CFAP299: variants seen among roughly 807,000 people sequenced by gnomAD.
CFAP299 encodes the protein cilia and flagella associated protein 299, also known as cilia- and flagella-associated protein 299.
In CFAP299, 21 loss-of-function variants were observed where a neutral mutation model predicts 27.0. That is an observed-to-expected ratio of 0.78 (90% CI 0.55 to 1.12). The LOEUF is 1.12. CFAP299 is among the 50% of genes most tolerant of loss of function. CFAP299 has a pLI of 0.00. For synonymous variants in CFAP299, 104 were observed against 98.1 expected (o/e 1.06, Z -0.36); for missense variants, 310 against 276.6 (o/e 1.12, Z -0.86).
intron 3 of CFAP299, among the ~76,000 whole-genome samples, chr4:80,625,931 T>C (rs1273663519): frequency 6.6e-6 from 1 of 151,894 alleles, no homozygotes; most frequent in Non-Finnish European, 1.5e-5. Context: ...TGCCATATAA[T>C]AAATTTAGGG....
rs199561559 is a variant in CFAP299 at position 80,943,893 on chromosome 4, C to A, written c.477-917C>A. Among the ~76,000 whole-genome samples the A allele has an allele frequency of 4.6e-4, 70 of 151,976 alleles. No homozygotes were observed. In the East Asian group the frequency reaches 0.012, roughly 27 times the overall value. Reference sequence around the variant, plus strand: ...ACCATCCTGGCCAACATGGTGAAACCCATCTCTGCTAAAAATACAAAAATT... The same window carrying A: ...ACCATCCTGGCCAACATGGTGAAACACATCTCTGCTAAAAATACAAAAATT... On this transcript the variant is annotated intron_variant, in intron 4 of 5. Transcript: ENST00000358105.
intron 5 of CFAP299, among the ~76,000 whole-genome samples, chr4:80,953,980 T>C (rs1434097335): frequency 6.6e-6 from 1 of 152,116 alleles, no homozygotes; most frequent in Non-Finnish European, 1.5e-5. Flanking sequence ...GGCCTAGGGA[T>C]ATAAGGATGG....
chr4:80,760,107 T>A (rs948521908), intron 3 of CFAP299, among the ~76,000 whole-genome samples: 9 of 152,144 alleles, frequency 5.9e-5, no homozygotes, highest in Non-Finnish European at 1.2e-4. Flanking sequence ...TTCATTCAAT[T>A]TTTTCCTGCA....
In CFAP299 at chr4:80,476,955, G is replaced by A. The variant is rs560564673; in HGVS notation, c.243-106138G>A. Among the ~76,000 whole-genome samples, 48 of 135,224 alleles carry A rather than the reference G, an allele frequency of 3.5e-4. No individual in the cohort carries two copies. The South Asian group carries it at 9.7e-3, about 27-fold the overall frequency. The allele number at this position is 135,224 out of a possible 152,430, so 88.7% of individuals were successfully genotyped here. A position where few individuals can be genotyped will look rare whatever the true frequency, so the allele number is the denominator to read the frequency against. Reference sequence around the variant, plus strand: ...TTTGTGTGTGTGTGCGTGTGTGTGCGCATGCGTGTGTGTGTGTGTGTGTGT... The same window carrying A: ...TTTGTGTGTGTGTGCGTGTGTGTGCACATGCGTGTGTGTGTGTGTGTGTGT... On this transcript the variant is annotated intron_variant, in intron 2 of 5. Transcript: ENST00000358105.
chr4:80,645,002 C>T (rs1424183003), intron 3 of CFAP299, among the ~76,000 whole-genome samples: 1 of 151,994 alleles, frequency 6.6e-6, no homozygotes, highest in African/African-American at 2.4e-5. Context: ...TGCACCAGCC[C>T]CCCCTCAGAA....
chr4:80,544,324 CATG>C (rs1249328463), intron 2 of CFAP299, among the ~76,000 whole-genome samples: 4 of 152,146 alleles, frequency 2.6e-5, no homozygotes, highest in Admixed American at 2.6e-4. Flanking sequence ...TGGCTAACAG[CATG>C]ATAACAGAAT....
At chr4:80,604,161 C>T (rs561139018) in intron 3 of CFAP299, among the ~76,000 whole-genome samples, 1 of 152,204 alleles carries the variant, frequency 6.6e-6, no homozygotes, top group Admixed American at 6.5e-5. Flanking sequence ...ACTTTAAAGC[C>T]TTATAACAGA....
At chr4:80,666,715 T>C (rs771963247) in intron 3 of CFAP299, among the ~76,000 whole-genome samples, 4 of 152,184 alleles carry the variant, frequency 2.6e-5, no homozygotes, top group Non-Finnish European at 5.9e-5. Context: ...AACTATATAT[T>C]TCCAGACTTT....
Position 80,890,523 on chromosome 4 carries a change from G to A in CFAP299, c.476+20388G>A, listed in dbSNP as rs1001938160. Among the ~76,000 whole-genome samples the A allele has an allele frequency of 1.1e-4, 17 of 151,510 alleles. No individual in the cohort carries two copies. The East Asian group carries it at 2.5e-3, about 23-fold the overall frequency. ...GTGAATAGTGCCGCAATAAACATACGTGTGCATGTGTCTTTATAGCAGCAT... is the reference window on the plus strand; with the variant it reads ...GTGAATAGTGCCGCAATAAACATACATGTGCATGTGTCTTTATAGCAGCAT... On this transcript the variant is annotated intron_variant, in intron 4 of 5. Transcript: ENST00000358105.
intron 1 of CFAP299, among the ~76,000 whole-genome samples, chr4:80,355,094 G>A (rs941844801): frequency 3.3e-5 from 5 of 152,078 alleles, no homozygotes; most frequent in African/African-American, 1.2e-4. Flanking sequence ...TTGAGGAATT[G>A]CTGCACTATC....
intron 4 of CFAP299, among the ~76,000 whole-genome samples, chr4:80,914,411 A>G (rs1735641730): frequency 6.6e-6 from 1 of 152,112 alleles, no homozygotes; most frequent in Non-Finnish European, 1.5e-5. Context: ...CACTATAGAC[A>G]TTTGGGGCCA....
intron 3 of CFAP299, among the ~76,000 whole-genome samples, chr4:80,859,284 T>C (rs1349879933): frequency 1.3e-5 from 2 of 152,180 alleles, no homozygotes; most frequent in East Asian, 1.9e-4. Flanking sequence ...TCCATCCTTT[T>C]ATTTTGAGCC....
At chr4:80,368,520 T>C (rs1578362544) in intron 2 of CFAP299, among the ~76,000 whole-genome samples, 1 of 152,286 alleles carries the variant, frequency 6.6e-6, no homozygotes, top group East Asian at 1.9e-4. Context: ...ACTTATAAAA[T>C]ACTTTTAATT....
intron 3 of CFAP299, among the ~76,000 whole-genome samples, chr4:80,746,603 C>T (rs1045889657): frequency 2.0e-5 from 3 of 151,844 alleles, no homozygotes; most frequent in Non-Finnish European, 1.5e-5. Flanking sequence ...GTTGACGTAA[C>T]TTTTTTCAGG....
At chr4:80,730,802 T>C (rs1723477082) in intron 3 of CFAP299, among the ~76,000 whole-genome samples, 1 of 152,242 alleles carries the variant, frequency 6.6e-6, no homozygotes, top group Non-Finnish European at 1.5e-5. Context: ...CTACAACCAC[T>C]GTGCCTCTTT....
In CFAP299 at chr4:80,746,726, C is replaced by T. The variant is rs1445877651; in HGVS notation, c.334-123267C>T. On this transcript the variant is annotated intron_variant, in intron 3 of 5. Coordinates refer to ENST00000358105, the MANE Select transcript of CFAP299 (RefSeq NM_152770.3). ...ATTCTATAGTGAAAATACTCTCATA[C>T]TGGAGCAGACAGCTGTTTCCATATA... 2.0e-5 allele frequency among the ~76,000 whole-genome samples: 3 copies of T among 151,982 alleles called. No individual in the cohort carries two copies. In the East Asian group the frequency reaches 5.8e-4, roughly 29 times the overall value.
intron 3 of CFAP299, among the ~76,000 whole-genome samples, chr4:80,753,306 G>T (rs1208510914): frequency 6.6e-6 from 1 of 151,674 alleles, no homozygotes; most frequent in African/African-American, 2.4e-5. Context: ...GCATCTTAGA[G>T]ATATTACTTC....
At chr4:80,799,567 ATATATATTT>A (rs1338477555) in intron 3 of CFAP299, among the ~76,000 whole-genome samples, 5 of 65,048 alleles carry the variant, frequency 7.7e-5, no homozygotes, top group Non-Finnish European at 1.1e-4. Context: ...TTTAATAAAT[ATATATATTT>A]ATAAAATATA....
chr4:80,866,657 C>G lies in CFAP299; in HGVS notation c.334-3336C>G, dbSNP rs191872817. On this transcript the variant is annotated intron_variant, in intron 3 of 5. Coordinates refer to ENST00000358105, the MANE Select transcript of CFAP299 (RefSeq NM_152770.3). Reference sequence around the variant, plus strand: ...TGAGTGACTTGCCCAGGGCTGTATACGATGATTCTAGAGGGACCCGCACTT... The same window carrying G: ...TGAGTGACTTGCCCAGGGCTGTATAGGATGATTCTAGAGGGACCCGCACTT... 3.8e-3 allele frequency among the ~76,000 whole-genome samples: 581 copies of G among 152,198 alleles called. 1 individual carries two copies. The highest frequency in any genetic ancestry group is 0.014 in the Middle Eastern group (4 of 294).
Sources: gnomAD v4.1 joint callset for allele counts (sites outside exome capture counted in the v4.1 genomes callset) on GRCh38, gnomAD v4.1.1 for gene constraint, MANE v1.5 for transcripts, NCBI Gene and HGNC (gene_info 2026-07-23, HGNC 2026-07-21) for gene names.